MCPH1: variants seen among roughly 807,000 people sequenced by gnomAD.
The protein encoded by MCPH1 is microcephalin 1, also known as microcephalin.
Under a neutral mutation model 84.5 loss-of-function variants are expected in MCPH1, and 104 were observed. The observed-to-expected ratio is 1.23, with a 90% confidence interval of 1.05 to 1.45. The LOEUF (loss-of-function observed/expected upper bound fraction) is 1.45, where lower values mean the gene tolerates loss of function less well. Ranked by LOEUF, MCPH1 falls within the 40% of genes most tolerant of loss-of-function variation. MCPH1 has a pLI of 0.00. For missense variants in MCPH1, 1,498 were observed against 1,005.7 expected (o/e 1.49, Z -6.62); for synonymous variants, 514 against 366.8 (o/e 1.40, Z -4.58).
At chr8:6,507,513 TTGTTCC>T (rs1248473929) in intron 12 of MCPH1, 1 of 152,086 alleles carries the variant, frequency 6.6e-6, no homozygotes, top group Non-Finnish European at 1.5e-5. Context: ...TAAGTAGCGT[TTGTTCC>T]TGTCAGTGAA....
chr8:6,435,255 G>A lies in MCPH1; in HGVS notation c.322-793G>A, dbSNP rs567070323. 1.4e-4 allele frequency among the ~76,000 whole-genome samples: 21 copies of A among 152,240 alleles called. No homozygotes were observed. The South Asian group carries it at 3.7e-3, about 27-fold the overall frequency. ...GTTGTGGTCTTGCAGGGAGGATGAC[G>A]TGAGAATAGTGCTACCAAGCAGGCA... is the stretch of plus-strand genomic sequence containing the variant. On this transcript the variant is annotated intron_variant, in intron 4 of 13. Coordinates refer to ENST00000344683, the MANE Select transcript of MCPH1 (RefSeq NM_024596.5).
chr8:6,570,122 CTT>C (rs965354837), intron 12 of MCPH1, among the ~76,000 whole-genome samples: 103 of 152,334 alleles, frequency 6.8e-4, no homozygotes, highest in African/African-American at 2.2e-3. Flanking sequence ...GCTTAAATAA[CTT>C]TTCTGCTTTG....
chr8:6,635,809 G>A (rs1454666924), intron 13 of MCPH1, among the ~76,000 whole-genome samples: 8 of 152,104 alleles, frequency 5.3e-5, no homozygotes, highest in African/African-American at 1.9e-4. Flanking sequence ...GTAAAATGCC[G>A]TGTCCCGTAA....
chr8:6,529,092 G>A (rs143304445), intron 12 of MCPH1, among the ~76,000 whole-genome samples: 177 of 152,296 alleles, frequency 1.2e-3, no homozygotes, highest in African/African-American at 4.1e-3. Flanking sequence ...GGCAGGGAAG[G>A]ATGGCATATA....
At position 6,591,984 on chromosome 8, in the gene MCPH1, A is replaced by G. The variant is rs541436657; in HGVS notation, c.2215-29470A>G. ...AACAGAAGTAGGGAAAAAATTCGAC[A>G]ACGCAAAGTGAGAGTGGGAAACCAT... On this transcript the variant is annotated intron_variant, in intron 12 of 13. Coordinates refer to ENST00000344683, the MANE Select transcript of MCPH1 (RefSeq NM_024596.5). Among the ~76,000 whole-genome samples the G allele has an allele frequency of 1.1e-4, 16 of 152,336 alleles. No individual in the cohort carries two copies. The East Asian group carries it at 3.1e-3, about 29-fold the overall frequency.
In MCPH1 at chr8:6,436,129, G is replaced by A. The variant is rs1802603989; in HGVS notation, c.403G>A (p.Ala135Thr). The change falls in exon 5 of 14, where the codon GCT (alanine) becomes ACT (threonine). Residue 135 changes from alanine to threonine, a missense_variant. Transcript: ENST00000344683. ...ATTTCAGAAGAAATTTGAGAAAATG[G>A]CTAAAGAGCTACAAAGGCAAAAAAC... is the stretch of plus-strand genomic sequence containing the variant. ...KRFQKKFEKMAKELQRQKTNL... is the reference protein window; with the variant it reads ...KRFQKKFEKMTKELQRQKTNL... 6.2e-7 allele frequency: 1 copy of A among 1,613,702 alleles called. No individual in the cohort carries two copies. Among genetic ancestry groups the A allele is most frequent in the Non-Finnish European group, 8.5e-7 (1 of 1,179,780 alleles).
rs977939405 is a variant in MCPH1, at chr8:6,645,053, G to T, written c.*2004G>T. 1 of 152,158 alleles carries T rather than the reference G, an allele frequency of 6.6e-6. No individual in the cohort carries two copies. Among genetic ancestry groups the T allele is most frequent in the Non-Finnish European group, 1.5e-5 (1 of 68,044 alleles). The allele number at this position is 152,158 out of a possible 1,614,324, so 9.4% of individuals were successfully genotyped here. ...TTTCTCTATAACCACAAGCATCCTG[G>T]CTTGGTAGTGCTCCCACAGCACCAA... On this transcript the variant is annotated 3_prime_UTR_variant, in exon 14 of 14. Coordinates refer to ENST00000344683, the MANE Select transcript of MCPH1 (RefSeq NM_024596.5).
At chr8:6,581,325 C>T (rs1452156079) in intron 12 of MCPH1, among the ~76,000 whole-genome samples, 6 of 152,172 alleles carry the variant, frequency 3.9e-5, no homozygotes. Context: ...AGAATTGCAA[C>T]CTCCAGCATA....
chr8:6,589,756 T>A (rs13255093), intron 12 of MCPH1, among the ~76,000 whole-genome samples: 39,537 of 152,166 alleles, frequency 0.26, 6,407 homozygotes, highest in Admixed American at 0.39. Context: ...AAATACATTA[T>A]GTGTAAATTG....
At chr8:6,642,359 G>A (rs1198539057) in intron 13 of MCPH1, among the ~76,000 whole-genome samples, 1 of 152,130 alleles carries the variant, frequency 6.6e-6, no homozygotes, top group East Asian at 1.9e-4. Context: ...GATCACCTGT[G>A]CTGACCCTTC....
chr8:6,418,837 C>T (rs947836733), intron 3 of MCPH1, among the ~76,000 whole-genome samples: 16 of 152,162 alleles, frequency 1.1e-4, no homozygotes, highest in African/African-American at 3.9e-4. Flanking sequence ...GCCTCAGCCT[C>T]CCAAAGTACT....
chr8:6,641,091 T>C (rs1407282090), intron 13 of MCPH1, among the ~76,000 whole-genome samples: 1 of 152,244 alleles, frequency 6.6e-6, no homozygotes, highest in African/African-American at 2.4e-5. Context: ...CATCTTCCTA[T>C]GCATTTTTTT....
intron 11 of MCPH1, among the ~76,000 whole-genome samples, chr8:6,489,329 G>A (rs1473771287): frequency 6.6e-6 from 1 of 151,796 alleles, no homozygotes. Flanking sequence ...GAGGCAGGGG[G>A]ACCCGGGAAC....
chr8:6,460,891 T>G (rs1470408121), intron 9 of MCPH1, among the ~76,000 whole-genome samples: 1 of 152,180 alleles, frequency 6.6e-6, no homozygotes, highest in Admixed American at 6.5e-5. Flanking sequence ...TTTGTTTGCA[T>G]CTTGTCCAGC....
intron 2 of MCPH1, among the ~76,000 whole-genome samples, chr8:6,410,155 T>C (rs1372925947): frequency 6.6e-6 from 1 of 152,040 alleles, no homozygotes; most frequent in South Asian, 2.1e-4. Context: ...TTTGTATTTT[T>C]AGTAAAGACG....
rs1407929296 is a variant in MCPH1, at chr8:6,433,582, C to T, written c.321+1996C>T. ...CAGGAGGTGGAGGTTGCAGTGAGCCCAGATCATGCCACTGCACTCCAGCCT... is the reference window on the plus strand; with the variant it reads ...CAGGAGGTGGAGGTTGCAGTGAGCCTAGATCATGCCACTGCACTCCAGCCT... On this transcript the variant is annotated intron_variant, in intron 4 of 13. Coordinates refer to ENST00000344683, the MANE Select transcript of MCPH1 (RefSeq NM_024596.5). Among the ~76,000 whole-genome samples, 8 of 132,266 alleles carry T rather than the reference C, an allele frequency of 6.0e-5. No homozygotes were observed. The South Asian group carries it at 1.9e-3, about 32-fold the overall frequency. The allele number at this position is 132,266 out of a possible 152,430, so 86.8% of individuals were successfully genotyped here.
At chr8:6,520,892 G>T (rs1348614275) in intron 12 of MCPH1, among the ~76,000 whole-genome samples, 1 of 152,150 alleles carries the variant, frequency 6.6e-6, no homozygotes, top group Non-Finnish European at 1.5e-5. Flanking sequence ...TATCGGCTGT[G>T]GTTTAGTAAT....
At chr8:6,498,235 T>C (rs772297139) in intron 11 of MCPH1, among the ~76,000 whole-genome samples, 5 of 152,220 alleles carry the variant, frequency 3.3e-5, no homozygotes, top group African/African-American at 1.2e-4. Flanking sequence ...TTATAAGAAA[T>C]ATGTTGGGCC....
rs767054121 is a variant in MCPH1, at chr8:6,644,438, G to C, written c.*1389G>C. 2.7e-4 allele frequency: 41 copies of C among 152,112 alleles called. No individual in the cohort carries two copies. The highest frequency in any genetic ancestry group is 4.4e-4 in the Non-Finnish European group (30 of 68,032). The allele number at this position is 152,112 out of a possible 1,614,324, so 9.4% of individuals were successfully genotyped here. A position where few individuals can be genotyped will look rare whatever the true frequency, so the allele number is the denominator to read the frequency against. Reference sequence around the variant, plus strand: ...CACTGCCGATATGATTCTATACCTAGAAAACCCTAAAGACTCTGCCAAAAG... The same window carrying C: ...CACTGCCGATATGATTCTATACCTACAAAACCCTAAAGACTCTGCCAAAAG... On this transcript the variant is annotated 3_prime_UTR_variant, in exon 14 of 14. Coordinates refer to ENST00000344683, the MANE Select transcript of MCPH1 (RefSeq NM_024596.5).
Sources: gnomAD v4.1 joint callset for allele counts (sites outside exome capture counted in the v4.1 genomes callset) on GRCh38, gnomAD v4.1.1 for gene constraint, MANE v1.5 for transcripts, NCBI Gene and HGNC (gene_info 2026-07-23, HGNC 2026-07-21) for gene names.